Variants in ACTN1 observed in about 807,000 individuals in gnomAD.
ACTN1 encodes actinin alpha 1, also known as alpha-actinin-1.
ACTN1 carries 30 observed loss-of-function variants against 119.6 expected under a neutral mutation model. The ratio of observed to expected loss-of-function variants is 0.25; its 90% CI spans 0.19 to 0.34. ACTN1 has a LOEUF of 0.34. Among genes scored for constraint, ACTN1 ranks in the 10% least tolerant of loss-of-function variants. The pLI is 1.00. For synonymous variants in ACTN1, 429 were observed against 472.6 expected (o/e 0.91, Z 1.20); for missense variants, 764 against 1,223.4 (o/e 0.62, Z 5.60).
At chr14:68,959,523 T>C (rs1459652476) in intron 1 of ACTN1, among the ~76,000 whole-genome samples, 1 of 152,226 alleles carries the variant, frequency 6.6e-6, no homozygotes, top group African/African-American at 2.4e-5. Context: ...CAAGTTCTCT[T>C]TTTGCTTCGG....
At chr14:68,883,154 C>A in intron 14 of ACTN1, 99 bp from the exon 15 acceptor site, 1 of 1,244,926 alleles carries the variant, frequency 8.0e-7, no homozygotes, top group East Asian at 2.4e-5. Context: ...GCTGGGAGAC[C>A]AGGAGGCATC....
chr14:68,875,220 CAG>C, intron 21 of ACTN1: 1 of 1,422,828 alleles, frequency 7.0e-7, no homozygotes, highest in Non-Finnish European at 9.3e-7. Context: ...AAAATTCTCT[CAG>C]GTTTTCCACT....
intron 1 of ACTN1, among the ~76,000 whole-genome samples, chr14:68,971,223 T>TC (rs1416827106): frequency 3.3e-5 from 5 of 152,238 alleles, no homozygotes; most frequent in African/African-American, 9.6e-5. Context: ...AACAGTCCCT[T>TC]CCCCAAAGAG....
In ACTN1 at chr14:68,890,063, C is replaced by T. The variant is rs1054511135; in HGVS notation, c.1234+76G>A. On this transcript the variant is annotated intron_variant, in intron 11 of 21. Coordinates refer to ENST00000394419, the MANE Select transcript of ACTN1 (RefSeq NM_001130004.2). ...GAAACAAATGAAAAGCAAAGAATAG[C>T]ATAGTGGCTGCTGGCTGGGCTGAAG... 1.9e-6 allele frequency: 3 copies of T among 1,557,054 alleles called. No individual in the cohort carries two copies. In the African/African-American group the frequency reaches 4.1e-5, roughly 21 times the overall value.
At chr14:68,963,127 C>T (rs764104776) in intron 1 of ACTN1, among the ~76,000 whole-genome samples, 9 of 152,224 alleles carry the variant, frequency 5.9e-5, no homozygotes, top group South Asian at 4.1e-4. Flanking sequence ...ACCCTGCCCC[C>T]GCACCCGCTT....
chr14:68,967,510 C>G (rs1278706791), intron 1 of ACTN1, among the ~76,000 whole-genome samples: 6 of 152,196 alleles, frequency 3.9e-5, no homozygotes, highest in Non-Finnish European at 1.5e-5. Context: ...ATCCAAGGAG[C>G]CTCAGATCAG....
Position 68,885,307 on chromosome 14 carries a change from G to A in ACTN1, c.1385+118C>T. 1 of 1,333,978 alleles carries A rather than the reference G, an allele frequency of 7.5e-7. No homozygotes were observed. Among genetic ancestry groups the A allele is most frequent in the South Asian group, 1.5e-5 (1 of 67,002 alleles). 82.6% of individuals were successfully genotyped at this position (1,333,978 alleles called of 1,614,324 possible). On this transcript the variant is annotated intron_variant, in intron 12 of 21. Coordinates refer to ENST00000394419, the MANE Select transcript of ACTN1 (RefSeq NM_001130004.2). This position sits in a 1 kb window ranked among gnomAD's most constrained non-coding sequence, Gnocchi z 5.6. ...CTGCGTTGACTCCCTCCCCACCTGG[G>A]CACCCACCTGTACCCACCCTCCCCA...
At chr14:68,944,037 T>G (rs1051612571) in intron 1 of ACTN1, among the ~76,000 whole-genome samples, 2 of 152,180 alleles carry the variant, frequency 1.3e-5, no homozygotes, top group African/African-American at 4.8e-5. Context: ...AGGCAGTCCC[T>G]GAGCCCAGTG....
At chr14:68,926,242 T>C (rs974790601) in intron 1 of ACTN1, among the ~76,000 whole-genome samples, 14 of 152,158 alleles carry the variant, frequency 9.2e-5, no homozygotes, top group African/African-American at 3.1e-4. Flanking sequence ...TGTGTGTGCT[T>C]TGGGTGGGGA....
intron 1 of ACTN1, among the ~76,000 whole-genome samples, chr14:68,960,875 C>T (rs2036513036): frequency 6.6e-6 from 1 of 152,090 alleles, no homozygotes; most frequent in South Asian, 2.1e-4. Context: ...GAGTTCGAAA[C>T]CAGCCTGATC....
At chr14:68,968,513 A>G (rs757949128) in intron 1 of ACTN1, among the ~76,000 whole-genome samples, 10 of 152,262 alleles carry the variant, frequency 6.6e-5, no homozygotes, top group Non-Finnish European at 1.3e-4. Context: ...AAAGATACAG[A>G]CAGCTATATA....
intron 1 of ACTN1, among the ~76,000 whole-genome samples, chr14:68,928,885 T>C (rs886631944): frequency 2.6e-5 from 4 of 152,072 alleles, no homozygotes; most frequent in Admixed American, 2.6e-4. Context: ...GATGACAACA[T>C]GCGAGCTCTT....
chr14:68,930,472 C>A (rs1212278236), intron 1 of ACTN1, among the ~76,000 whole-genome samples: 3 of 152,162 alleles, frequency 2.0e-5, no homozygotes, highest in Non-Finnish European at 4.4e-5. Context: ...ACCCCAGAAG[C>A]ATGAGTTAGG....
Position 68,880,243 on chromosome 14 carries a change from C to T in ACTN1, c.2134-135G>A. The T allele has an allele frequency of 9.2e-7, 1 of 1,090,616 alleles. No homozygotes were observed. The highest frequency in any genetic ancestry group is 1.3e-6 in the Non-Finnish European group (1 of 774,304). 67.6% of individuals were successfully genotyped at this position (1,090,616 alleles called of 1,614,324 possible). ...GGCCTTCTGTGTGGCTGAGTGTCAC[C>T]AGAGGAAGGGGAACCAGGACAAGGA... On this transcript the variant is annotated intron_variant, in intron 17 of 21. Transcript: ENST00000394419. The surrounding 1 kb of genome is among the most constrained non-coding windows in gnomAD (Gnocchi z 4.6).
In ACTN1 at chr14:68,882,948, G is replaced by A; in HGVS notation, c.1743C>T (p.Thr581=). The A allele has an allele frequency of 6.2e-7, 1 of 1,614,226 alleles. No homozygotes were observed. The highest frequency in any genetic ancestry group is 8.5e-7 in the Non-Finnish European group (1 of 1,180,040). Residue 581 remains threonine (T), a synonymous_variant, in exon 15 of 22, where the codon ACC becomes ACT. Coordinates refer to ENST00000394419, the MANE Select transcript of ACTN1 (RefSeq NM_001130004.2). The surrounding 1 kb of genome is among the most constrained non-coding windows in gnomAD (Gnocchi z 4.5). ...IHNEVSKIVQ[T]YHVNMAGTNP... ...TGGTGCCCGCCATATTGACGTGGTA[G>A]GTCTGGACAATCTTGGACACCTCAT...
chr14:68,918,239 A>G (rs1196837513), intron 3 of ACTN1, among the ~76,000 whole-genome samples: 1 of 152,196 alleles, frequency 6.6e-6, no homozygotes, highest in East Asian at 1.9e-4. Flanking sequence ...TGAGGCCAGC[A>G]TGGCAGGGGC....
intron 1 of ACTN1, among the ~76,000 whole-genome samples, chr14:68,962,121 C>T (rs987032850): frequency 6.6e-6 from 1 of 152,202 alleles, no homozygotes; most frequent in Non-Finnish European, 1.5e-5. Context: ...AGCAGCTTCC[C>T]CGAGTCAGGA....
At chr14:68,936,910 T>C (rs547190549) in intron 1 of ACTN1, 16 of 560,016 alleles carry the variant, frequency 2.9e-5, no homozygotes, top group African/African-American at 2.5e-4. Flanking sequence ...ATCCAGAGTT[T>C]GCAGCCATGA....
chr14:68,931,312 G>C (rs1477588838), intron 1 of ACTN1, among the ~76,000 whole-genome samples: 1 of 152,180 alleles, frequency 6.6e-6, no homozygotes, highest in East Asian at 1.9e-4. Context: ...CAGCCCCTCT[G>C]GGGCAGCCTG....
Sources: allele counts gnomAD v4.1 joint callset (sites outside exome capture counted in the v4.1 genomes callset), GRCh38; gene constraint gnomAD v4.1.1; non-coding constraint Gnocchi (gnomAD v3.1); transcripts MANE v1.5; gene names NCBI Gene and HGNC (gene_info 2026-07-23, HGNC 2026-07-21).